BCAS3: variants seen among roughly 807,000 people sequenced by gnomAD.
The protein encoded by BCAS3 is BCAS4/BCAS3 fusion.
In BCAS3, 53 loss-of-function variants were observed where a neutral mutation model predicts 116.1. That is an observed-to-expected ratio of 0.46 (90% CI 0.37 to 0.57). The LOEUF is 0.57. Among genes scored for constraint, BCAS3 ranks in the 20% least tolerant of loss-of-function variants. BCAS3 has a pLI of 0.00. For synonymous variants in BCAS3, 391 were observed against 408.2 expected, an observed-to-expected ratio of 0.96 and a Z score of 0.51; for missense variants, 917 against 1,165.4, an observed-to-expected ratio of 0.79 and a Z score of 3.10.
At chr17:60,752,969 T>C (rs1184608766) in intron 6 of BCAS3, among the ~76,000 whole-genome samples, 1 of 152,100 alleles carries the variant, frequency 6.6e-6, no homozygotes, top group Non-Finnish European at 1.5e-5. Context: ...CACAGCCTCC[T>C]GAATACCTAG....
chr17:60,686,433 A>G (rs1039287630), intron 3 of BCAS3, among the ~76,000 whole-genome samples: 1 of 151,760 alleles, frequency 6.6e-6, no homozygotes, highest in Non-Finnish European at 1.5e-5. Context: ...TTTAGTTATC[A>G]CTCATTGAAT....
At chr17:61,170,888 C>T (rs1432560405) in intron 22 of BCAS3, among the ~76,000 whole-genome samples, 1 of 152,096 alleles carries the variant, frequency 6.6e-6, no homozygotes, top group Non-Finnish European at 1.5e-5. Flanking sequence ...TGCAAGCCTT[C>T]AGCTGAGCAC....
chr17:61,209,994 A>G (rs1266276361), intron 22 of BCAS3, among the ~76,000 whole-genome samples: 1 of 152,128 alleles, frequency 6.6e-6, no homozygotes, highest in Non-Finnish European at 1.5e-5. Flanking sequence ...AGCTGCTGCC[A>G]CTGCTTCTTA....
At chr17:60,907,316 C>T (rs1031166994) in intron 11 of BCAS3, among the ~76,000 whole-genome samples, 4 of 152,134 alleles carry the variant, frequency 2.6e-5, no homozygotes, top group Admixed American at 6.6e-5. Context: ...TTCTAGTTCC[C>T]TCATTACCGT....
At position 60,684,023 on chromosome 17, in the gene BCAS3, A is replaced by T; in HGVS notation, c.125A>T (p.Asp42Val). ...GAAAGTGTTGTGACTTTTCTGCAGG[A>T]TGTTGTGCCACAGGTAAGTGTCTAT... is the stretch of plus-strand genomic sequence containing the variant. ...YMESVVTFLQ[D>V]VVPQAYSGTP... is the part of the protein sequence containing the mutation. The change falls in exon 3 of 24, where the codon GAT becomes GTT. Residue 42 changes from aspartate (D) to valine (V), a missense_variant. Physicochemically the swap from Asp to Val is radical, Grantham distance 152. Around this residue, in one of 3 missense-constraint regions of BCAS3, gnomAD observed 807 missense variants for 1,026.0 expected, o/e 0.79. Transcript: ENST00000407086. 6.2e-7 allele frequency: 1 copy of T among 1,613,924 alleles called. No individual in the cohort carries two copies. Among genetic ancestry groups the T allele is most frequent in the Non-Finnish European group, 8.5e-7 (1 of 1,179,928 alleles).
intron 19 of BCAS3, among the ~76,000 whole-genome samples, chr17:61,050,927 A>T (rs2068802213): frequency 6.6e-6 from 1 of 152,078 alleles, no homozygotes; most frequent in East Asian, 1.9e-4. Context: ...CATACAAAGT[A>T]TATTCCCTGA....
At chr17:61,341,326 C>T (rs747184519) in intron 22 of BCAS3, among the ~76,000 whole-genome samples, 4 of 152,216 alleles carry the variant, frequency 2.6e-5, no homozygotes, top group Non-Finnish European at 4.4e-5. Context: ...TCAGCCACCA[C>T]AGGAGAGGAC....
intron 23 of BCAS3, among the ~76,000 whole-genome samples, chr17:61,385,660 T>G (rs2143650876): frequency 6.6e-6 from 1 of 152,316 alleles, no homozygotes; most frequent in South Asian, 2.1e-4. Flanking sequence ...CTGGCTGCTG[T>G]GTGCCGCGAA....
At chr17:61,191,453 C>T (rs569841178) in intron 22 of BCAS3, among the ~76,000 whole-genome samples, 3 of 152,134 alleles carry the variant, frequency 2.0e-5, no homozygotes, top group South Asian at 2.1e-4. Context: ...GTAGAAACGA[C>T]GCAAGATAAG....
intron 7 of BCAS3, among the ~76,000 whole-genome samples, chr17:60,818,889 T>A (rs2049680049): frequency 6.6e-6 from 1 of 152,126 alleles, no homozygotes; most frequent in Admixed American, 6.6e-5. Context: ...TGGGATGGGT[T>A]AGCATACCAG....
Position 61,320,902 on chromosome 17 carries a change from C to T in BCAS3, c.2426-47425C>T, listed in dbSNP as rs532649093. Among the ~76,000 whole-genome samples, 6 of 152,218 alleles carry T rather than the reference C, an allele frequency of 3.9e-5. No individual in the cohort carries two copies. In the South Asian group the frequency reaches 1.2e-3, roughly 32 times the overall value. On this transcript the variant is annotated intron_variant, in intron 22 of 23. Transcript: ENST00000407086. ...CTTCAGTCACAGTAATAATATAGCA[C>T]GTGTGTAATGTTTTACAAAGGGCTT...
intron 9 of BCAS3, among the ~76,000 whole-genome samples, chr17:60,888,691 C>T (rs576459057): frequency 6.6e-5 from 10 of 152,102 alleles, no homozygotes; most frequent in East Asian, 5.8e-4. Flanking sequence ...GTCAGTTTTC[C>T]GGAAACCCTA....
At chr17:60,909,552 AGT>A (rs2058377873) in intron 11 of BCAS3, among the ~76,000 whole-genome samples, 1 of 152,100 alleles carries the variant, frequency 6.6e-6, no homozygotes, top group Non-Finnish European at 1.5e-5. Flanking sequence ...GATGTGTCTA[AGT>A]ATTCTAGGGT....
At chr17:61,115,385 A>G (rs1419669724) in intron 22 of BCAS3, among the ~76,000 whole-genome samples, 1 of 151,486 alleles carries the variant, frequency 6.6e-6, no homozygotes, top group Non-Finnish European at 1.5e-5. Flanking sequence ...AACTCAAACA[A>G]ATTTACAAGA....
rs576768559 is a variant in BCAS3 at position 61,051,914 on chromosome 17, C to G, written c.2029+11022C>G. On this transcript the variant is annotated intron_variant, in intron 19 of 23. Transcript: ENST00000407086. The surrounding 1 kb of genome is among the most constrained non-coding windows in gnomAD (Gnocchi z 4.1). ...TCAGCTTCCACATTGAGAAACTAGA[C>G]AAAGTAGAGGAAATTAATGCAAAAC... Among the ~76,000 whole-genome samples the G allele has an allele frequency of 6.6e-6, 1 of 151,662 alleles. No homozygotes were observed. Among genetic ancestry groups the G allele is most frequent in the Non-Finnish European group, 1.5e-5 (1 of 67,926 alleles).
intron 22 of BCAS3, among the ~76,000 whole-genome samples, chr17:61,329,477 A>T (rs2143091097): frequency 6.6e-6 from 1 of 151,660 alleles, no homozygotes; most frequent in Admixed American, 6.6e-5. Flanking sequence ...AGTAACTGGG[A>T]CTACAGGCGC....
intron 13 of BCAS3, among the ~76,000 whole-genome samples, chr17:60,939,313 A>G (rs2060106410): frequency 6.6e-6 from 1 of 152,066 alleles, no homozygotes; most frequent in African/African-American, 2.4e-5. Flanking sequence ...AACCCCTGCA[A>G]TCCCAGCTAC....
chr17:61,250,426 G>A (rs745582707), intron 22 of BCAS3, among the ~76,000 whole-genome samples: 1 of 152,200 alleles, frequency 6.6e-6, no homozygotes, highest in Non-Finnish European at 1.5e-5. Context: ...AGGACCCAGA[G>A]AAGGCTTGTT....
intron 19 of BCAS3, among the ~76,000 whole-genome samples, chr17:61,067,263 GTGTGTA>G: frequency 1.1e-5 from 1 of 90,264 alleles, no homozygotes; most frequent in African/African-American, 6.4e-5. Flanking sequence ...CTTTATTTAT[GTGTGTA>G]TGTGTATATA....
Sources: allele counts gnomAD v4.1 joint callset (sites outside exome capture counted in the v4.1 genomes callset), GRCh38; gene constraint gnomAD v4.1.1; regional missense constraint gnomAD v4.1.1; non-coding constraint Gnocchi (gnomAD v3.1); transcripts MANE v1.5; gene names NCBI Gene and HGNC (gene_info 2026-07-23, HGNC 2026-07-21).